Variants in CUX1 observed in about 807,000 individuals in gnomAD.
CUX1 encodes the protein protein CASP.
A neutral mutation model predicts 158.8 loss-of-function variants in CUX1; 31 were observed. The ratio of observed to expected loss-of-function variants is 0.20; its 90% CI spans 0.15 to 0.26. The LOEUF (loss-of-function observed/expected upper bound fraction) is 0.26. Among genes scored for constraint, CUX1 ranks in the 10% least tolerant of loss-of-function variants. The pLI is 1.00. For missense variants in CUX1, 1,589 were observed against 2,014.6 expected, an observed-to-expected ratio of 0.79 and a Z score of 4.04; for synonymous variants, 879 against 862.1, an observed-to-expected ratio of 1.02 and a Z score of -0.34.
chr7:102,160,588 T>G (rs1790326970), intron 9 of CUX1, among the ~76,000 whole-genome samples: 1 of 152,152 alleles, frequency 6.6e-6, no homozygotes, highest in Non-Finnish European at 1.5e-5. Flanking sequence ...CTGTGTGGCC[T>G]TGACGGGTCT....
chr7:101,868,837 G>T (rs1289204511), intron 1 of CUX1, among the ~76,000 whole-genome samples: 1 of 152,210 alleles, frequency 6.6e-6, no homozygotes, highest in African/African-American at 2.4e-5. Context: ...GGGGGGATGG[G>T]AGCAGTGGCT....
chr7:101,894,440 C>T (rs1227128285), intron 1 of CUX1, among the ~76,000 whole-genome samples: 3 of 152,004 alleles, frequency 2.0e-5, no homozygotes, highest in Non-Finnish European at 4.4e-5. Context: ...CCTCCCAAGA[C>T]GCTGGGATTA....
At chr7:101,934,023 C>T (rs773650550) in intron 2 of CUX1, among the ~76,000 whole-genome samples, 2 of 152,190 alleles carry the variant, frequency 1.3e-5, no homozygotes, top group Non-Finnish European at 2.9e-5. Flanking sequence ...TTCCCCTCAC[C>T]CCCATCAGCT....
chr7:102,257,175 A>T lies in CUX1; in HGVS notation c.*8133A>T. On this transcript the variant is annotated 3_prime_UTR_variant, in exon 24 of 24. Transcript: ENST00000292535. ...CAAGGCAAGGGCCCTGCTCACCCCA[A>T]GGTAGGCTGGGAAGAGCATCTCTTT... 7.1e-6 allele frequency: 7 copies of T among 985,402 alleles called. No homozygotes were observed. The highest frequency in any genetic ancestry group is 8.4e-6 in the Non-Finnish European group (7 of 829,936). 61.0% of individuals were successfully genotyped at this position (985,402 alleles called of 1,614,324 possible).
intron 2 of CUX1, among the ~76,000 whole-genome samples, chr7:102,026,448 T>C (rs1261189828): frequency 2.6e-5 from 4 of 152,190 alleles, no homozygotes; most frequent in African/African-American, 4.8e-5. Context: ...TTAGGAAGCC[T>C]CTGATAAAAT....
chr7:101,857,145 G>A (rs1796939084), intron 1 of CUX1, among the ~76,000 whole-genome samples: 1 of 152,154 alleles, frequency 6.6e-6, no homozygotes, highest in South Asian at 2.1e-4. Flanking sequence ...CCCTTACCCC[G>A]CCCGGTGTTA....
At chr7:102,028,811 G>C (rs1011117556) in intron 3 of CUX1, among the ~76,000 whole-genome samples, 4 of 152,162 alleles carry the variant, frequency 2.6e-5, no homozygotes, top group African/African-American at 4.8e-5. Context: ...TTTGTGTGAA[G>C]ATTCAGTGAT....
At chr7:102,094,731 C>A (rs1311486577) in intron 4 of CUX1, among the ~76,000 whole-genome samples, 1 of 152,176 alleles carries the variant, frequency 6.6e-6, no homozygotes, top group African/African-American at 2.4e-5. Flanking sequence ...TCAAAGGTTC[C>A]TCTCTTTACC....
At chr7:101,898,551 CAG>C (rs1211577837) in intron 1 of CUX1, among the ~76,000 whole-genome samples, 6 of 150,880 alleles carry the variant, frequency 4.0e-5, no homozygotes, top group African/African-American at 1.2e-4. Context: ...AGGATTCCTT[CAG>C]AGACTATTCT....
chr7:101,836,301 C>T (rs952686822), intron 1 of CUX1, among the ~76,000 whole-genome samples: 3 of 152,040 alleles, frequency 2.0e-5, no homozygotes, highest in African/African-American at 7.2e-5. Flanking sequence ...TGCAGGTGCT[C>T]CCCTGCGAAC....
chr7:102,063,796 T>C (rs374443632), intron 3 of CUX1, among the ~76,000 whole-genome samples: 1 of 152,184 alleles, frequency 6.6e-6, no homozygotes, highest in Non-Finnish European at 1.5e-5. Flanking sequence ...GCGGAAGATA[T>C]TAAAAGCATA....
intron 18 of CUX1, among the ~76,000 whole-genome samples, chr7:102,279,143 C>G (rs1791856878): frequency 6.6e-6 from 1 of 152,132 alleles, no homozygotes; most frequent in Admixed American, 6.6e-5. Flanking sequence ...GAGTTCCAGA[C>G]CAGCCTGGCC....
rs1040170015 is a variant in CUX1 at position 102,256,081 on chromosome 7, C to T, written c.*7039C>T. 2 of 985,504 alleles carry T rather than the reference C, an allele frequency of 2.0e-6. No homozygotes were observed. Among genetic ancestry groups the T allele is most frequent in the Non-Finnish European group, 2.4e-6 (2 of 829,964 alleles). The allele number at this position is 985,504 out of a possible 1,614,324, so 61.0% of individuals were successfully genotyped here. A position where few individuals can be genotyped will look rare whatever the true frequency, so the allele number is the denominator to read the frequency against. On this transcript the variant is annotated 3_prime_UTR_variant, in exon 24 of 24. Transcript: ENST00000292535. ...CCCCGACTCCCTCCAGTCTCCCAGC[C>T]TGCCTCTTGGTGACCACTGTGCTGG...
chr7:101,946,405 G>T (rs935111354), intron 2 of CUX1, among the ~76,000 whole-genome samples: 1 of 152,098 alleles, frequency 6.6e-6, no homozygotes, highest in Non-Finnish European at 1.5e-5. Context: ...TTAGCCCAGC[G>T]TGGTGGTGTG....
chr7:102,274,479 G>A (rs1422708765), intron 16 of CUX1, among the ~76,000 whole-genome samples: 1 of 152,228 alleles, frequency 6.6e-6, no homozygotes, highest in Admixed American at 6.5e-5. Flanking sequence ...GGCTAGGTGT[G>A]GTGGCGCACA....
intron 20 of CUX1, among the ~76,000 whole-genome samples, chr7:102,222,991 A>T (rs111348164): frequency 0.083 from 12,409 of 150,312 alleles, 661 homozygotes; most frequent in African/African-American, 0.14. Flanking sequence ...TTTAGTAGAG[A>T]TGGGGTTTCA....
At chr7:101,898,677 G>GC (rs1801809782) in intron 1 of CUX1, among the ~76,000 whole-genome samples, 1 of 139,574 alleles carries the variant, frequency 7.2e-6, no homozygotes, top group African/African-American at 2.7e-5. Flanking sequence ...TGCAACCTCC[G>GC]CCTCCCGGGT....
chr7:102,054,392 C>T (rs974366397), intron 3 of CUX1, among the ~76,000 whole-genome samples: 1 of 152,130 alleles, frequency 6.6e-6, no homozygotes, highest in Non-Finnish European at 1.5e-5. Flanking sequence ...CTGGTCGTCC[C>T]AGCAACATTT....
chr7:102,171,919 C>A (rs1451167515), intron 10 of CUX1, among the ~76,000 whole-genome samples: 2 of 152,192 alleles, frequency 1.3e-5, no homozygotes, highest in African/African-American at 2.4e-5. Context: ...AACAGTGACT[C>A]CGTCAAGCCC....
Sources: gnomAD v4.1 joint callset for allele counts (sites outside exome capture counted in the v4.1 genomes callset) on GRCh38, gnomAD v4.1.1 for gene constraint, MANE v1.5 for transcripts, NCBI Gene and HGNC (gene_info 2026-07-23, HGNC 2026-07-21) for gene names.